Variants in ANKRD31 observed in about 807,000 individuals in gnomAD.
The protein encoded by ANKRD31 is ankyrin repeat domain-containing protein 31.
A neutral mutation model predicts 186.0 loss-of-function variants in ANKRD31; 147 were observed. The ratio of observed to expected loss-of-function variants is 0.79; its 90% CI spans 0.69 to 0.91. ANKRD31 has a LOEUF of 0.91. Ranked by LOEUF, ANKRD31 falls within the 40% of genes least tolerant of loss-of-function variation. ANKRD31 has a pLI of 0.00. For missense variants in ANKRD31, 1,986 were observed against 2,148.8 expected (o/e 0.92, Z 1.50); for synonymous variants, 673 against 736.4 (o/e 0.91, Z 1.39).
At position 75,120,683 on chromosome 5, in the gene ANKRD31, C is replaced by T. The variant is rs374520475; in HGVS notation, c.3877-2386G>A. ...AAAAAACTGAACCAAATCACAAAGA[C>T]GCAGAAGAAAAAAAATGAAGAAACA... On this transcript the variant is annotated intron_variant, in intron 17 of 25. Coordinates refer to ENST00000506364, the MANE Select transcript of ANKRD31 (RefSeq NM_001372053.1). Among the ~76,000 whole-genome samples the T allele has an allele frequency of 1.2e-3, 186 of 151,692 alleles. No individual in the cohort carries two copies. The South Asian group carries it at 0.035, about 29-fold the overall frequency.
chr5:75,117,743 T>C (rs1464269753), intron 18 of ANKRD31, among the ~76,000 whole-genome samples: 1 of 152,312 alleles, frequency 6.6e-6, no homozygotes, highest in Non-Finnish European at 1.5e-5. Context: ...CCTTGAAATA[T>C]TCTTTTCATT....
intron 9 of ANKRD31, among the ~76,000 whole-genome samples, chr5:75,192,379 T>C (rs1755172628): frequency 6.6e-6 from 1 of 152,194 alleles, no homozygotes; most frequent in South Asian, 2.1e-4. Context: ...TGCTTTTTCA[T>C]AGCCATATGC....
intron 17 of ANKRD31, among the ~76,000 whole-genome samples, chr5:75,122,441 A>G (rs1325413569): frequency 1.3e-5 from 2 of 152,080 alleles, no homozygotes; most frequent in Non-Finnish European, 2.9e-5. Context: ...AGCCAGTATC[A>G]CCCTGACACC....
At chr5:75,221,012 G>A (rs1342095412) in intron 3 of ANKRD31, among the ~76,000 whole-genome samples, 1 of 152,188 alleles carries the variant, frequency 6.6e-6, no homozygotes, top group African/African-American at 2.4e-5. Context: ...ATGAGATCAT[G>A]TCCTTTGCAG....
At chr5:75,110,788 T>C (rs758693580) in intron 20 of ANKRD31, among the ~76,000 whole-genome samples, 2 of 148,914 alleles carry the variant, frequency 1.3e-5, no homozygotes, top group Non-Finnish European at 3.0e-5. Flanking sequence ...GTAAGGTTAT[T>C]TAAAATGAAA....
At position 75,170,621 on chromosome 5, in the gene ANKRD31, T is replaced by C. The variant is rs567205507; in HGVS notation, c.1565-1500A>G. 2.3e-4 allele frequency among the ~76,000 whole-genome samples: 35 copies of C among 152,198 alleles called. 1 individual carries two copies. In the South Asian group the frequency reaches 7.2e-3, roughly 32 times the overall value. ...GATCCCATCACCCAGGTAGTGTGCA[T>C]AGTACCCAATAGATAGTTTTTCAAC... is the stretch of plus-strand genomic sequence containing the variant. On this transcript the variant is annotated intron_variant, in intron 10 of 25. Coordinates refer to ENST00000506364, the MANE Select transcript of ANKRD31 (RefSeq NM_001372053.1).
intron 2 of ANKRD31, among the ~76,000 whole-genome samples, chr5:75,227,900 C>T (rs1173073410): frequency 6.6e-6 from 1 of 152,134 alleles, no homozygotes; most frequent in Non-Finnish European, 1.5e-5. Context: ...GTTAACTGCA[C>T]ATGTGAGGGA....
chr5:75,196,166 C>T lies in ANKRD31; in HGVS notation c.482G>A (p.Ser161Asn), dbSNP rs1755454638. 2.7e-6 allele frequency: 4 copies of T among 1,497,826 alleles called. No homozygotes were observed. Among genetic ancestry groups the T allele is most frequent in the South Asian group, 2.6e-5 (2 of 76,570 alleles). 92.8% of individuals were successfully genotyped at this position (1,497,826 alleles called of 1,614,324 possible). A position where few individuals can be genotyped will look rare whatever the true frequency, so the allele number is the denominator to read the frequency against. ...TGTAATAGCAGTGCCTGAGAGAAGG[C>T]TAACTTCAGGAGAATCTCTGCCTTC... The part of the protein sequence containing the change: ...LSEGRDSPEV[S>N]LLSGTAITVS... Residue 161 changes from serine to asparagine, a missense_variant, in exon 7 of 26, where the codon AGC becomes AAC. Ser to Asn is a conservative substitution (Grantham distance 46). Transcript: ENST00000506364.
chr5:75,229,839 T>C (rs1580602534), intron 2 of ANKRD31, among the ~76,000 whole-genome samples: 1 of 121,044 alleles, frequency 8.3e-6, no homozygotes, highest in South Asian at 2.8e-4. Context: ...CACTCCAGCC[T>C]GGGCGACAGA....
At chr5:75,224,129 T>TAA (rs1491506305) in intron 2 of ANKRD31, among the ~76,000 whole-genome samples, 1 of 105,752 alleles carries the variant, frequency 9.5e-6, no homozygotes, top group Admixed American at 9.3e-5. Flanking sequence ...TCAGAAATAA[T>TAA]TATATATATA....
chr5:75,200,623 A>T (rs1374474941), intron 5 of ANKRD31, among the ~76,000 whole-genome samples: 4 of 150,672 alleles, frequency 2.7e-5, no homozygotes, highest in African/African-American at 9.7e-5. Flanking sequence ...TCAAGACCCA[A>T]GTATTCTGGC....
At chr5:75,135,506 G>T (rs566238428) in intron 17 of ANKRD31, among the ~76,000 whole-genome samples, 15 of 151,002 alleles carry the variant, frequency 9.9e-5, no homozygotes, top group South Asian at 4.2e-4. Flanking sequence ...ACTGCTCAAC[G>T]AAATAAAAGA....
In ANKRD31 at chr5:75,201,793, A is replaced by T. The variant is rs139603916; in HGVS notation, c.404-2119T>A. Among the ~76,000 whole-genome samples, 90 of 152,274 alleles carry T rather than the reference A, an allele frequency of 5.9e-4. 1 individual carries two copies. The highest frequency in any genetic ancestry group is 2.1e-3 in the African/African-American group (86 of 41,564). The stretch of plus-strand genomic sequence containing the variant: ...GAAAAGCCATCCAGTGTTAACATCA[A>T]CACAGATCTTAAGTCTGTTTAAAAA... On this transcript the variant is annotated intron_variant, in intron 5 of 25. Coordinates refer to ENST00000506364, the MANE Select transcript of ANKRD31 (RefSeq NM_001372053.1).
intron 23 of ANKRD31, among the ~76,000 whole-genome samples, chr5:75,087,430 C>T (rs1190326514): frequency 3.9e-5 from 6 of 152,012 alleles, no homozygotes; most frequent in African/African-American, 9.7e-5. Flanking sequence ...TCACTTGAAC[C>T]TATGAGGCAG....
At chr5:75,232,960 T>TA in intron 1 of ANKRD31, among the ~76,000 whole-genome samples, 1 of 152,314 alleles carries the variant, frequency 6.6e-6, no homozygotes, top group Non-Finnish European at 1.5e-5. Flanking sequence ...TGTCTTCCTT[T>TA]AGCCTCCCTA....
Position 75,104,260 on chromosome 5 carries a change from G to T in ANKRD31, c.5299C>A (p.Pro1767Thr). ...TTGAATTCCAGAATGTTATTTCCTGGGTTAATTCTTCCTAGTAATATCAAA... is the reference window on the plus strand; with the variant it reads ...TTGAATTCCAGAATGTTATTTCCTGTGTTAATTCTTCCTAGTAATATCAAA... Reference protein sequence around the residue: ...KDLILLGRINPGNNILEFKTQ... With the variant: ...KDLILLGRINTGNNILEFKTQ... The change falls in exon 22 of 26, where the codon CCA becomes ACA. Residue 1767 changes from proline to threonine, a missense_variant. Coordinates refer to ENST00000506364, the MANE Select transcript of ANKRD31 (RefSeq NM_001372053.1). The T allele has an allele frequency of 3.3e-6, 5 of 1,524,224 alleles. No homozygotes were observed. Among genetic ancestry groups the T allele is most frequent in the Non-Finnish European group, 4.4e-6 (5 of 1,140,404 alleles). 94.4% of individuals were successfully genotyped at this position (1,524,224 alleles called of 1,614,324 possible).
chr5:75,192,148 A>C (rs1273328887), intron 9 of ANKRD31, among the ~76,000 whole-genome samples: 1 of 152,184 alleles, frequency 6.6e-6, no homozygotes, highest in Non-Finnish European at 1.5e-5. Flanking sequence ...TATCAAATTC[A>C]GAAAACTTAC....
At chr5:75,134,882 T>C (rs1374256393) in intron 17 of ANKRD31, among the ~76,000 whole-genome samples, 1 of 152,024 alleles carries the variant, frequency 6.6e-6, no homozygotes, top group Non-Finnish European at 1.5e-5. Flanking sequence ...TCAATAAACG[T>C]AATCAATCAT....
chr5:75,130,493 C>T (rs894748096), intron 17 of ANKRD31, among the ~76,000 whole-genome samples: 4 of 152,150 alleles, frequency 2.6e-5, no homozygotes, highest in African/African-American at 7.2e-5. Context: ...CTGATTGGTC[C>T]ATTTTACAGA....
Sources: allele counts gnomAD v4.1 joint callset (sites outside exome capture counted in the v4.1 genomes callset), GRCh38; gene constraint gnomAD v4.1.1; transcripts MANE v1.5; gene names NCBI Gene and HGNC (gene_info 2026-07-23, HGNC 2026-07-21).